SLC14A2: variants seen among roughly 807,000 people sequenced by gnomAD.
SLC14A2 encodes urea transporter 2.
Under a neutral mutation model 104.6 loss-of-function variants are expected in SLC14A2, and 91 were observed. That is an observed-to-expected ratio of 0.87 (90% CI 0.73 to 1.04). The LOEUF (loss-of-function observed/expected upper bound fraction) is 1.04. Among genes scored for constraint, SLC14A2 ranks in the 50% least tolerant of loss-of-function variants. The pLI is 0.00. For synonymous variants in SLC14A2, 476 were observed against 466.4 expected, an observed-to-expected ratio of 1.02 and a Z score of -0.27; for missense variants, 1,189 against 1,156.0, an observed-to-expected ratio of 1.03 and a Z score of -0.41.
chr18:45,466,999 C>A (rs556248784), intron 1 of SLC14A2, among the ~76,000 whole-genome samples: 2 of 152,160 alleles, frequency 1.3e-5, no homozygotes, highest in South Asian at 2.1e-4. Flanking sequence ...GATGATGACA[C>A]AATGTCCATG....
At chr18:45,591,928 G>A (rs1209007532) in intron 2 of SLC14A2, among the ~76,000 whole-genome samples, 1 of 152,180 alleles carries the variant, frequency 6.6e-6, no homozygotes, top group African/African-American at 2.4e-5. Flanking sequence ...GTAGACATGG[G>A]GAAGCATGCA....
At chr18:45,265,772 G>A (rs2084586266) in intron 1 of SLC14A2, among the ~76,000 whole-genome samples, 2 of 152,158 alleles carry the variant, frequency 1.3e-5, no homozygotes, top group African/African-American at 4.8e-5. Flanking sequence ...GGAGACAAAG[G>A]TAATTTATAA....
At chr18:45,452,724 G>A (rs557525001) in intron 1 of SLC14A2, among the ~76,000 whole-genome samples, 70 of 152,296 alleles carry the variant, frequency 4.6e-4, no homozygotes, top group African/African-American at 1.6e-3. Context: ...CTGGCAGTAG[G>A]TCACAAGTCA....
intron 1 of SLC14A2, among the ~76,000 whole-genome samples, chr18:45,307,667 T>G (rs2085037771): frequency 6.6e-6 from 1 of 152,090 alleles, no homozygotes; most frequent in South Asian, 2.1e-4. Context: ...CTCTTCTACT[T>G]TCTGTAAAAA....
chr18:45,307,708 TC>T, intron 1 of SLC14A2, among the ~76,000 whole-genome samples: 1 of 152,268 alleles, frequency 6.6e-6, no homozygotes. Flanking sequence ...CATAATCTCA[TC>T]ATTAATGTCA....
intron 1 of SLC14A2, among the ~76,000 whole-genome samples, chr18:45,306,858 G>T (rs114507427): frequency 6.6e-6 from 1 of 152,178 alleles, no homozygotes; most frequent in East Asian, 1.9e-4. Flanking sequence ...ACTTGTTCGG[G>T]CACTCTTTCT....
intron 10 of SLC14A2, among the ~76,000 whole-genome samples, chr18:45,645,445 T>C (rs2045602914): frequency 6.6e-6 from 1 of 151,896 alleles, no homozygotes; most frequent in Non-Finnish European, 1.5e-5. Context: ...TGTAAAAAGC[T>C]TGGGAAATTT....
At chr18:45,207,061 T>C in the SLC14A2 span, among the ~76,000 whole-genome samples, 3 of 152,198 alleles carry the variant, frequency 2.0e-5, no homozygotes, top group Non-Finnish European at 2.9e-5. Flanking sequence ...TTTACTCTGG[T>C]ACCTAATAGT....
At chr18:45,209,041 AC>A (rs1468600160), upstream of SLC14A2, among the ~76,000 whole-genome samples, 4,194 of 148,062 alleles carry the variant, frequency 0.028, 218 homozygotes, top group African/African-American at 0.097. Context: ...AAAAAAAAAA[AC>A]AACAACAACT....
chr18:45,648,244 C>A (rs1197021967), intron 10 of SLC14A2, among the ~76,000 whole-genome samples: 2 of 126,198 alleles, frequency 1.6e-5, no homozygotes. Context: ...CTCACTCTAT[C>A]GCCCAGGCTG....
intron 1 of SLC14A2, among the ~76,000 whole-genome samples, chr18:45,226,483 G>A (rs1599589114): frequency 6.6e-6 from 1 of 152,164 alleles, no homozygotes; most frequent in African/African-American, 2.4e-5. Context: ...GGAATACTAT[G>A]CAGCCATAAA....
chr18:45,485,686 T>G (rs1297801496), intron 2 of SLC14A2, among the ~76,000 whole-genome samples: 1 of 152,210 alleles, frequency 6.6e-6, no homozygotes, highest in African/African-American at 2.4e-5. Flanking sequence ...TTTTCTTCCC[T>G]TCAACTCTTT....
intron 1 of SLC14A2, among the ~76,000 whole-genome samples, chr18:45,409,288 G>A (rs1377057532): frequency 6.6e-6 from 1 of 152,214 alleles, no homozygotes; most frequent in African/African-American, 2.4e-5. Context: ...AGAGTGTGAT[G>A]TATGTGTGAG....
At chr18:45,203,957 G>A in the SLC14A2 span, among the ~76,000 whole-genome samples, 1 of 152,218 alleles carries the variant, frequency 6.6e-6, no homozygotes, top group African/African-American at 2.4e-5. Flanking sequence ...ACCACGATCT[G>A]AGAGTCAGTT....
intron 1 of SLC14A2, among the ~76,000 whole-genome samples, chr18:45,334,953 G>C (rs2085324864): frequency 6.6e-6 from 1 of 152,188 alleles, no homozygotes; most frequent in South Asian, 2.1e-4. Flanking sequence ...ACTTGGTACT[G>C]AAGTGCTCCC....
chr18:45,514,700 T>C (rs1183444677), intron 2 of SLC14A2, among the ~76,000 whole-genome samples: 1 of 152,180 alleles, frequency 6.6e-6, no homozygotes, highest in Non-Finnish European at 1.5e-5. Flanking sequence ...TTGTTGAGCA[T>C]CTATGATGTG....
At chr18:45,177,744 A>G in the SLC14A2 span, among the ~76,000 whole-genome samples, 1 of 152,186 alleles carries the variant, frequency 6.6e-6, no homozygotes, top group African/African-American at 2.4e-5. Context: ...CTGAGACATG[A>G]GATCAGATCT....
chr18:45,443,237 G>A (rs2086709327), intron 1 of SLC14A2, among the ~76,000 whole-genome samples: 2 of 152,206 alleles, frequency 1.3e-5, no homozygotes, highest in Admixed American at 1.3e-4. Context: ...GCATATAAAT[G>A]TGTGTGATCA....
At chr18:45,430,656 AG>A in intron 1 of SLC14A2, among the ~76,000 whole-genome samples, 1 of 151,884 alleles carries the variant, frequency 6.6e-6, no homozygotes, top group East Asian at 1.9e-4. Flanking sequence ...GCTCAGTGCA[AG>A]CTCCACCTCC....
Sources: allele counts gnomAD v4.1 joint callset (sites outside exome capture counted in the v4.1 genomes callset), GRCh38; gene constraint gnomAD v4.1.1; transcripts MANE v1.5; gene names NCBI Gene and HGNC (gene_info 2026-07-23, HGNC 2026-07-21).